The following DCC variants were observed in gnomAD, a reference collection of about 807,000 sequenced individuals.
The protein encoded by DCC is DCC netrin 1 receptor.
Under a neutral mutation model 172.5 loss-of-function variants are expected in DCC, and 58 were observed. That is an observed-to-expected ratio of 0.34 (90% CI 0.27 to 0.42). DCC has a LOEUF of 0.42. Among genes scored for constraint, DCC ranks in the 10% least tolerant of loss-of-function variants. The pLI is 1.00. For synonymous variants in DCC, 709 were observed against 644.5 expected, an observed-to-expected ratio of 1.10 and a Z score of -1.52; for missense variants, 1,740 against 1,791.0, an observed-to-expected ratio of 0.97 and a Z score of 0.51.
At chr18:53,071,219 T>C (rs1374961906) in intron 7 of DCC, among the ~76,000 whole-genome samples, 2 of 152,242 alleles carry the variant, frequency 1.3e-5, no homozygotes, top group African/African-American at 2.4e-5. Flanking sequence ...TATAGTTACC[T>C]ATTCCCTCTT....
intron 12 of DCC, among the ~76,000 whole-genome samples, chr18:53,268,992 G>A (rs1032666876): frequency 4.6e-5 from 7 of 152,122 alleles, no homozygotes; most frequent in African/African-American, 1.7e-4. Context: ...AAAGAATATT[G>A]TCCATTAGTG....
rs1388903589 is a variant in DCC at position 52,346,378 on chromosome 18, T to C, written c.91+5500T>C. Among the ~76,000 whole-genome samples the C allele has an allele frequency of 5.3e-5, 8 of 152,346 alleles. No individual in the cohort carries two copies. In the East Asian group the frequency reaches 1.5e-3, roughly 29 times the overall value. On this transcript the variant is annotated intron_variant, in intron 1 of 28. Transcript: ENST00000442544. ...TTATCTTATATTTCTCTGGTTTAAC[T>C]CCAAACTAAGATGGAGAAATACAGG...
intron 7 of DCC, among the ~76,000 whole-genome samples, chr18:53,109,151 G>T (rs2043294420): frequency 6.6e-6 from 1 of 151,186 alleles, no homozygotes; most frequent in Non-Finnish European, 1.5e-5. Flanking sequence ...GACTAATGAG[G>T]GTAGTCAGCT....
At position 53,157,440 on chromosome 18, in the gene DCC, G is replaced by A; in HGVS notation, c.1346G>A (p.Trp449Ter). The change falls in exon 8 of 29, where the codon TGG (tryptophan) becomes TAG (stop). Residue 449 changes from tryptophan to a stop codon, truncating the protein, a stop_gained. Coordinates refer to ENST00000442544, the MANE Select transcript of DCC (RefSeq NM_005215.4). LOFTEE classifies it high-confidence loss of function. ...LVSSRFVRLS[W>*]RPPAEAKGNI... ...TCCAGCCGATTTGTCCGTCTCAGCT[G>A]GCGCCCACCTGCAGAAGCGAAAGGG... 6.2e-7 allele frequency: 1 copy of A among 1,614,144 alleles called. No individual in the cohort carries two copies.
At chr18:52,812,049 T>G (rs2145251216) in intron 2 of DCC, among the ~76,000 whole-genome samples, 1 of 152,324 alleles carries the variant, frequency 6.6e-6, no homozygotes, top group East Asian at 1.9e-4. Context: ...ATGAAAGTGG[T>G]TTGAGAAGAA....
chr18:52,513,727 G>T (rs528065772), intron 1 of DCC, among the ~76,000 whole-genome samples: 101 of 152,182 alleles, frequency 6.6e-4, no homozygotes, highest in African/African-American at 2.4e-3. Flanking sequence ...CTACATGATG[G>T]TCAGGTTGTC....
At chr18:53,344,440 CTTT>C (rs71175582) in intron 15 of DCC, among the ~76,000 whole-genome samples, 3 of 97,050 alleles carry the variant, frequency 3.1e-5, no homozygotes, top group Non-Finnish European at 5.8e-5. Context: ...TTTCGTTTTT[CTTT>C]TTTTTTTTTT....
chr18:53,504,278 C>T (rs961400746), intron 27 of DCC, among the ~76,000 whole-genome samples: 1 of 152,062 alleles, frequency 6.6e-6, no homozygotes, highest in Non-Finnish European at 1.5e-5. Context: ...GAATACCACA[C>T]GAGTGTTCCA....
At chr18:52,922,907 CT>C (rs907552403) in intron 3 of DCC, among the ~76,000 whole-genome samples, 1 of 152,112 alleles carries the variant, frequency 6.6e-6, no homozygotes, top group African/African-American at 2.4e-5. Context: ...ATCTTAGCAA[CT>C]TTGGATGAAA....
At position 52,377,972 on chromosome 18, in the gene DCC, T is replaced by G. The variant is rs189615153; in HGVS notation, c.91+37094T>G. The stretch of plus-strand genomic sequence containing the variant: ...GCCTCGGCCTCCCAAAGTGCTAGGA[T>G]TATAGGTATGAGCCTCTGCGCCTGG... On this transcript the variant is annotated intron_variant, in intron 1 of 28. Coordinates refer to ENST00000442544, the MANE Select transcript of DCC (RefSeq NM_005215.4). Among the ~76,000 whole-genome samples the G allele has an allele frequency of 1.9e-4, 29 of 152,224 alleles. No individual in the cohort carries two copies. The East Asian group carries it at 5.6e-3, about 29-fold the overall frequency.
intron 19 of DCC, among the ~76,000 whole-genome samples, chr18:53,403,185 T>C (rs1026281008): frequency 2.4e-4 from 36 of 152,170 alleles, no homozygotes; most frequent in Non-Finnish European, 7.3e-5. Flanking sequence ...TTTTTCATTC[T>C]CTGAAGCATT....
chr18:52,560,307 T>C (rs2033007654), intron 1 of DCC, among the ~76,000 whole-genome samples: 1 of 152,238 alleles, frequency 6.6e-6, no homozygotes, highest in South Asian at 2.1e-4. Context: ...GGATTGTATA[T>C]AATTGTATAT....
At chr18:53,295,248 C>A (rs567771636) in intron 12 of DCC, among the ~76,000 whole-genome samples, 1 of 151,946 alleles carries the variant, frequency 6.6e-6, no homozygotes, top group East Asian at 1.9e-4. Flanking sequence ...TCCCTTAATA[C>A]AAGAAATTAT....
chr18:53,404,219 A>T (rs1909505538), intron 19 of DCC, among the ~76,000 whole-genome samples: 2 of 152,122 alleles, frequency 1.3e-5, no homozygotes. Flanking sequence ...AGGAGAAAAA[A>T]ACAGAAAGCT....
chr18:53,010,502 C>A (rs947141946), intron 5 of DCC, among the ~76,000 whole-genome samples: 2 of 151,356 alleles, frequency 1.3e-5, no homozygotes. Context: ...ATGTTAACAA[C>A]GTTCAAAGTA....
chr18:52,497,900 G>A (rs1006713265), intron 1 of DCC, among the ~76,000 whole-genome samples: 1 of 152,122 alleles, frequency 6.6e-6, no homozygotes, highest in Non-Finnish European at 1.5e-5. Context: ...AAGCTTGCCA[G>A]ACTAGAACAG....
chr18:53,270,439 C>A lies in DCC; in HGVS notation c.1912-35139C>A, dbSNP rs562998422. Among the ~76,000 whole-genome samples the A allele has an allele frequency of 1.8e-4, 28 of 152,068 alleles. No homozygotes were observed. In the South Asian group the frequency reaches 5.6e-3, roughly 30 times the overall value. On this transcript the variant is annotated intron_variant, in intron 12 of 28. Transcript: ENST00000442544. ...GAGTATTCAAAATCTTTCTAAAAAC[C>A]TAATTATATATGATTAGTTGTAAGA...
chr18:52,492,802 C>T (rs1488959809), intron 1 of DCC, among the ~76,000 whole-genome samples: 4 of 151,914 alleles, frequency 2.6e-5, no homozygotes, highest in South Asian at 4.1e-4. Context: ...GTATGTACAC[C>T]CAGGATTTGG....
intron 1 of DCC, among the ~76,000 whole-genome samples, chr18:52,348,619 C>T (rs1002576708): frequency 6.6e-6 from 1 of 152,144 alleles, no homozygotes; most frequent in African/African-American, 2.4e-5. Flanking sequence ...TCTGTTTCTT[C>T]AACTGAGCAA....
Sources: allele counts gnomAD v4.1 joint callset (sites outside exome capture counted in the v4.1 genomes callset), GRCh38; gene constraint gnomAD v4.1.1; transcripts MANE v1.5; gene names NCBI Gene and HGNC (gene_info 2026-07-23, HGNC 2026-07-21).